SPRY3: variants seen among roughly 807,000 people sequenced by gnomAD.
The protein encoded by SPRY3 is protein sprouty homolog 3.
SPRY3 carries 15 observed loss-of-function variants against 20.2 expected under a neutral mutation model. That is an observed-to-expected ratio of 0.74 (90% confidence interval 0.50 to 1.14). The LOEUF is 1.14. Ranked by LOEUF, SPRY3 falls within the 50% of genes most tolerant of loss-of-function variation. SPRY3 has a pLI of 0.00. For synonymous variants in SPRY3, 143 were observed against 136.5 expected (o/e 1.05, Z -0.33); for missense variants, 364 against 363.9 (o/e 1.00, Z 0.00).
At chrX:155,772,322 G>T (rs1416090835) in intron 3 of SPRY3, among the ~76,000 whole-genome samples, 1 of 152,118 alleles carries the variant, frequency 6.6e-6, no homozygotes, top group Non-Finnish European at 1.5e-5. Context: ...TTTATGAACT[G>T]CATCCTTGTT....
intron 2 of SPRY3, among the ~76,000 whole-genome samples, chrX:155,680,749 A>G (rs749070634): frequency 1.8e-5 from 2 of 111,704 alleles, no homozygotes; most frequent in African/African-American, 6.5e-5. Flanking sequence ...AAGCAAGTCT[A>G]TTGGCACCAT....
intron 2 of SPRY3, among the ~76,000 whole-genome samples, chrX:155,715,760 T>C (rs936098103): frequency 1.1e-4 from 16 of 152,182 alleles, no homozygotes; most frequent in Non-Finnish European, 2.2e-4. Context: ...ATGATACTGC[T>C]CTAGCTAAGG....
chrX:155,767,440 T>C (rs922167676), intron 2 of SPRY3, among the ~76,000 whole-genome samples: 3 of 151,938 alleles, frequency 2.0e-5, no homozygotes, highest in African/African-American at 7.3e-5. Flanking sequence ...ACACTGGCGG[T>C]ATCTATTGCT....
At chrX:155,699,642 C>T (rs1270021776) in intron 2 of SPRY3, among the ~76,000 whole-genome samples, 1 of 111,343 alleles carries the variant, frequency 9.0e-6, no homozygotes, top group African/African-American at 3.3e-5. Context: ...ACCAGAACCT[C>T]TGGCATTATG....
At chrX:155,672,410 G>C (rs782326657) in intron 2 of SPRY3, among the ~76,000 whole-genome samples, 60 of 111,056 alleles carry the variant, frequency 5.4e-4, no homozygotes, top group Admixed American at 5.0e-3. Flanking sequence ...CAAAGGATAT[G>C]AACAGACATT....
intron 2 of SPRY3, among the ~76,000 whole-genome samples, chrX:155,671,870 G>C (rs1557354792): frequency 9.0e-6 from 1 of 111,555 alleles, no homozygotes; most frequent in Non-Finnish European, 1.9e-5. Context: ...CATATGGCTA[G>C]CAAGTTTTCC....
At chrX:155,724,459 G>A (rs897203611) in intron 2 of SPRY3, among the ~76,000 whole-genome samples, 7 of 151,812 alleles carry the variant, frequency 4.6e-5, no homozygotes, top group Middle Eastern at 6.3e-3. Flanking sequence ...CTTTTATTTC[G>A]TTGAGCAGTG....
At chrX:155,664,908 A>G (rs1175076577) in intron 2 of SPRY3, among the ~76,000 whole-genome samples, 2 of 109,994 alleles carry the variant, frequency 1.8e-5, no homozygotes, top group African/African-American at 6.6e-5. Flanking sequence ...CCATAAAGGG[A>G]AAGATAAATT....
intron 2 of SPRY3, among the ~76,000 whole-genome samples, chrX:155,704,806 A>G (rs2090938303): frequency 1.3e-5 from 2 of 151,732 alleles, no homozygotes; most frequent in Admixed American, 1.3e-4. Flanking sequence ...AAAAAAGATA[A>G]TAACAGCAGA....
In SPRY3 at chrX:155,619,339, A is replaced by G. The variant is rs782672708; in HGVS notation, c.-441+6692A>G. Among the ~76,000 whole-genome samples the G allele has an allele frequency of 6.7e-3, 735 of 110,325 alleles. 9 individuals carry two copies. Among genetic ancestry groups the G allele is most frequent in the African/African-American group, 0.023 (694 of 30,471 alleles). On this transcript the variant is annotated intron_variant, in intron 1 of 3. Coordinates refer to ENST00000675360, the Ensembl canonical transcript of SPRY3. ...CACATTTGTCAAAAGTCAGTTGGGC[A>G]AATTTGTGAGGGTCTGTTTCTGTTT...
chrX:155,729,776 T>C (rs776951332), intron 2 of SPRY3, among the ~76,000 whole-genome samples: 4 of 152,050 alleles, frequency 2.6e-5, no homozygotes, highest in African/African-American at 9.6e-5. Context: ...AGTTGGGTTT[T>C]TGAAAAGATA....
At chrX:155,760,823 C>T (rs1487477944) in intron 2 of SPRY3, among the ~76,000 whole-genome samples, 1 of 152,032 alleles carries the variant, frequency 6.6e-6, no homozygotes, top group African/African-American at 2.4e-5. Flanking sequence ...GGGCCACTCA[C>T]CTCTTGCTGT....
intron 2 of SPRY3, among the ~76,000 whole-genome samples, chrX:155,671,943 G>T (rs1387352310): frequency 1.8e-5 from 2 of 111,352 alleles, no homozygotes; most frequent in African/African-American, 6.5e-5. Flanking sequence ...GTTTGTCAAA[G>T]ATCAGATGGT....
In SPRY3 at chrX:155,627,078, A is replaced by T. The variant is rs191517035; in HGVS notation, c.-441+14431A>T. 1.4e-3 allele frequency among the ~76,000 whole-genome samples: 154 copies of T among 112,127 alleles called. 1 individual carries two copies. Among genetic ancestry groups the T allele is most frequent in the African/African-American group, 4.6e-3 (144 of 30,975 alleles). On this transcript the variant is annotated intron_variant, in intron 1 of 3. Coordinates refer to ENST00000675360, the Ensembl canonical transcript of SPRY3. ...GTGCATTATCACACATAGTTATCAT[A>T]TTCGTAGTGAGAATGCAACATCCAA...
downstream of SPRY3, chrX:155,779,957 T>A (rs182607420): frequency 1.1e-4 from 18 of 167,082 alleles, no homozygotes; most frequent in Admixed American, 1.1e-3. Flanking sequence ...TTTAGGCCCA[T>A]ATCCTTATTT....
At chrX:155,747,729 A>G (rs1486765949) in intron 2 of SPRY3, among the ~76,000 whole-genome samples, 1 of 151,998 alleles carries the variant, frequency 6.6e-6, no homozygotes, top group Admixed American at 6.6e-5. Context: ...TTAAAGGCCA[A>G]CTCTGAGGAA....
intron 1 of SPRY3, among the ~76,000 whole-genome samples, chrX:155,653,359 T>C (rs961474065): frequency 1.8e-5 from 2 of 112,137 alleles, no homozygotes; most frequent in African/African-American, 6.5e-5. Flanking sequence ...TTTCTTCTAA[T>C]ATTGGTACAG....
At chrX:155,676,248 T>C (rs1195305436) in intron 2 of SPRY3, among the ~76,000 whole-genome samples, 2 of 111,433 alleles carry the variant, frequency 1.8e-5, no homozygotes, top group Non-Finnish European at 3.8e-5. Flanking sequence ...CTTCTATTTT[T>C]TTCATCTATC....
At chrX:155,731,179 C>A (rs2124563949) in intron 2 of SPRY3, among the ~76,000 whole-genome samples, 1 of 152,128 alleles carries the variant, frequency 6.6e-6, no homozygotes, top group Admixed American at 6.5e-5. Context: ...TTATATGGAA[C>A]CACAAAAGAC....
Sources: gnomAD v4.1 joint callset for allele counts (sites outside exome capture counted in the v4.1 genomes callset) on GRCh38, gnomAD v4.1.1 for gene constraint, MANE v1.5 for transcripts, NCBI Gene and HGNC (gene_info 2026-07-23, HGNC 2026-07-21) for gene names.